The following CASK variants were observed in gnomAD, a reference collection of about 807,000 sequenced individuals.
The protein encoded by CASK is calcium/calmodulin dependent serine protein kinase.
A neutral mutation model predicts 82.9 loss-of-function variants in CASK; 4 were observed. That is an observed-to-expected ratio of 0.05 (90% CI 0.02 to 0.11). The LOEUF (loss-of-function observed/expected upper bound fraction) is 0.11, where lower values mean the gene tolerates loss of function less well. Among genes scored for constraint, CASK ranks in the 10% least tolerant of loss-of-function variants. The pLI is 1.00. For missense variants in CASK, 358 were observed against 720.9 expected (o/e 0.50, Z 5.76); for synonymous variants, 259 against 253.5 (o/e 1.02, Z -0.20).
intron 3 of CASK, among the ~76,000 whole-genome samples, chrX:41,774,171 T>C (rs1187043961): frequency 9.0e-6 from 1 of 111,006 alleles, no homozygotes; most frequent in African/African-American, 3.3e-5. Flanking sequence ...GCAGATGACA[T>C]GATTGTATAT....
At chrX:41,708,116 C>CAAAAAAAA (rs774468294) in intron 5 of CASK, among the ~76,000 whole-genome samples, 1 of 31,694 alleles carries the variant, frequency 3.2e-5, no homozygotes, top group Non-Finnish European at 6.1e-5. Flanking sequence ...GACTCCATCT[C>CAAAAAAAA]AAAAAAAAAA....
chrX:41,699,168 A>G (rs936258228), intron 5 of CASK, among the ~76,000 whole-genome samples: 1 of 111,081 alleles, frequency 9.0e-6, no homozygotes, highest in Admixed American at 9.6e-5. Flanking sequence ...CAAGTGATCC[A>G]CCCACCTTGG....
intron 3 of CASK, among the ~76,000 whole-genome samples, chrX:41,757,264 T>C (rs1446635096): frequency 8.9e-6 from 1 of 111,804 alleles, no homozygotes; most frequent in Admixed American, 9.5e-5. Context: ...ACTGTTTTGA[T>C]GTCTTCACAA....
intron 2 of CASK, among the ~76,000 whole-genome samples, chrX:41,795,485 G>A (rs1306976542): frequency 2.7e-5 from 3 of 110,590 alleles, no homozygotes; most frequent in Non-Finnish European, 5.7e-5. Flanking sequence ...GGGCAACATG[G>A]TGAAACCCTG....
chrX:41,829,498 T>C (rs1449445372), intron 2 of CASK, among the ~76,000 whole-genome samples: 1 of 104,037 alleles, frequency 9.6e-6, no homozygotes, highest in Non-Finnish European at 2.0e-5. Flanking sequence ...ACTGTATGAA[T>C]ACAGTGGTAT....
At chrX:41,873,716 A>T (rs2071750875) in intron 1 of CASK, among the ~76,000 whole-genome samples, 2 of 110,940 alleles carry the variant, frequency 1.8e-5, no homozygotes, top group Non-Finnish European at 3.8e-5. Context: ...ACAATACACA[A>T]TGCAGAGTTA....
At chrX:41,761,005 G>C (rs2068990291) in intron 3 of CASK, among the ~76,000 whole-genome samples, 1 of 111,044 alleles carries the variant, frequency 9.0e-6, no homozygotes, top group East Asian at 2.8e-4. Context: ...TGTAACTCTG[G>C]TATGGATGTG....
intron 1 of CASK, among the ~76,000 whole-genome samples, chrX:41,860,049 T>G (rs2071448874): frequency 9.0e-6 from 1 of 111,513 alleles, no homozygotes; most frequent in African/African-American, 3.3e-5. Flanking sequence ...TTTATGTGTG[T>G]GTATTCATAT....
chrX:41,845,978 T>C (rs2071147217), intron 2 of CASK, among the ~76,000 whole-genome samples: 1 of 111,731 alleles, frequency 9.0e-6, no homozygotes, highest in East Asian at 2.8e-4. Flanking sequence ...TTGGTGAGAA[T>C]GTAAATTAGT....
intron 21 of CASK, among the ~76,000 whole-genome samples, chrX:41,545,110 C>T (rs1421584625): frequency 5.4e-5 from 6 of 110,324 alleles, no homozygotes. Flanking sequence ...ACTGTAACCT[C>T]TGCTTCCCAG....
intron 2 of CASK, among the ~76,000 whole-genome samples, chrX:41,833,914 AATTTTTTGT>A (rs1257899112): frequency 9.0e-6 from 1 of 110,636 alleles, no homozygotes; most frequent in East Asian, 2.8e-4. Context: ...ATGCCCAGCT[AATTTTTTGT>A]ATTTTTTGTA....
At chrX:41,912,764 C>T (rs887468030) in intron 1 of CASK, among the ~76,000 whole-genome samples, 1 of 100,640 alleles carries the variant, frequency 9.9e-6, no homozygotes, top group Non-Finnish European at 2.0e-5. Flanking sequence ...TAGTGAGACC[C>T]TCTCTCCTTC....
At chrX:41,824,016 T>C (rs748506236) in intron 2 of CASK, among the ~76,000 whole-genome samples, 1 of 112,184 alleles carries the variant, frequency 8.9e-6, no homozygotes, top group South Asian at 3.7e-4. Context: ...TTTCAAAAGT[T>C]ACTGAGATGC....
intron 2 of CASK, among the ~76,000 whole-genome samples, chrX:41,817,394 CAA>C (rs1297865383): frequency 1.8e-5 from 2 of 111,748 alleles, no homozygotes; most frequent in Admixed American, 1.9e-4. Context: ...GAAAACCAAA[CAA>C]GAGGAATCCA....
intron 8 of CASK, among the ~76,000 whole-genome samples, chrX:41,640,112 T>C (rs1317307007): frequency 8.9e-6 from 1 of 111,944 alleles, no homozygotes; most frequent in East Asian, 2.8e-4. Flanking sequence ...GGCTATATGA[T>C]AGGAGTATGT....
intron 2 of CASK, among the ~76,000 whole-genome samples, chrX:41,847,175 T>C (rs745359732): frequency 8.9e-6 from 1 of 112,045 alleles, no homozygotes; most frequent in Non-Finnish European, 1.9e-5. Context: ...TTTTGGACTA[T>C]TATTTCTTCA....
chrX:41,599,892 A>G (rs563365765), intron 12 of CASK, among the ~76,000 whole-genome samples: 6 of 112,490 alleles, frequency 5.3e-5, no homozygotes, highest in African/African-American at 1.9e-4. Context: ...GGCAGATTTT[A>G]TCTTGTTTTA....
At chrX:41,586,106 C>T (rs755492864) in intron 14 of CASK, 1 of 111,831 alleles carries the variant, frequency 8.9e-6, no homozygotes, top group Admixed American at 9.5e-5. Flanking sequence ...GCTGAGATCG[C>T]GCCACTGCAC....
At position 41,897,485 on chromosome X, in the gene CASK, T is replaced by C. The variant is rs750078754; in HGVS notation, c.59+25445A>G. Among the ~76,000 whole-genome samples the C allele has an allele frequency of 1.6e-3, 184 of 111,622 alleles. 1 individual carries two copies. Among genetic ancestry groups the C allele is most frequent in the Non-Finnish European group, 9.3e-4 (49 of 52,948 alleles). On this transcript the variant is annotated intron_variant, in intron 1 of 26. Transcript: ENST00000378163. ...TGTATAGTCCCTTTTTTTCTCCCAT[T>C]CATGCTGTCAGAAATTTATTAAAAA...
Sources: allele counts gnomAD v4.1 joint callset (sites outside exome capture counted in the v4.1 genomes callset), GRCh38; gene constraint gnomAD v4.1.1; transcripts MANE v1.5; gene names NCBI Gene and HGNC (gene_info 2026-07-23, HGNC 2026-07-21).